The following ATAD3A variants were observed in gnomAD, a reference collection of about 807,000 sequenced individuals.
The protein encoded by ATAD3A is ATPase family AAA domain containing 3A.
Under a neutral mutation model 73.8 loss-of-function variants are expected in ATAD3A, and 46 were observed. That is an observed-to-expected ratio of 0.62 (90% confidence interval 0.49 to 0.80). ATAD3A has a LOEUF of 0.80. ATAD3A is among the 30% of genes least tolerant of loss of function. The probability of loss-of-function intolerance (pLI) is 0.00; values close to 1 mark genes in which losing one functional copy is unlikely to be tolerated. For synonymous variants in ATAD3A, 319 were observed against 350.0 expected (o/e 0.91, Z 0.99); for missense variants, 705 against 838.0 (o/e 0.84, Z 1.96).
rs565156875 is a variant in ATAD3A, at chr1:1,524,125, C to T, written c.1090-148C>T. On this transcript the variant is annotated intron_variant, in intron 10 of 15. Transcript: ENST00000378756. ...TGGTGTGGGCAGCAGCGCCTCCCATCTTCCAGGCGGGGGACGTCTCCTGTC... is the reference window on the plus strand; with the variant it reads ...TGGTGTGGGCAGCAGCGCCTCCCATTTTCCAGGCGGGGGACGTCTCCTGTC... 175 of 1,540,706 alleles carry T rather than the reference C, an allele frequency of 1.1e-4. No homozygotes were observed. The South Asian group carries it at 2.0e-3, about 17-fold the overall frequency.
intron 15 of ATAD3A, 22 bp downstream of exon 15, chr1:1,529,353 C>A: frequency 1.3e-6 from 2 of 1,541,664 alleles, no homozygotes; most frequent in Non-Finnish European, 1.8e-6. Flanking sequence ...TCCGGCACGT[C>A]CACCCAGACG....
chr1:1,512,221 G>T lies in ATAD3A; in HGVS notation c.-48G>T. ...GCTGCTCCCAGCCGCGCGCGAGTCA[G>T]ACTCGGGTGGGGGTCCCGGCGGCGG... On this transcript the variant is annotated 5_prime_UTR_variant, in exon 1 of 16. Transcript: ENST00000378756. 7.9e-7 allele frequency: 1 copy of T among 1,262,556 alleles called. No homozygotes were observed. Among genetic ancestry groups the T allele is most frequent in the Non-Finnish European group, 1.0e-6 (1 of 1,000,478 alleles). 78.2% of individuals were successfully genotyped at this position (1,262,556 alleles called of 1,614,324 possible). A position where few individuals can be genotyped will look rare whatever the true frequency, so the allele number is the denominator to read the frequency against.
At chr1:1,513,909 G>A (rs563575477) in intron 1 of ATAD3A, among the ~76,000 whole-genome samples, 2 of 152,130 alleles carry the variant, frequency 1.3e-5, no homozygotes, top group East Asian at 3.9e-4. Flanking sequence ...TGAGGCTATA[G>A]CCCCATGCCG....
At chr1:1,517,141 C>T in intron 2 of ATAD3A, 170 bp from the exon 3 acceptor site, 3 of 1,547,204 alleles carry the variant, frequency 1.9e-6, no homozygotes, top group South Asian at 1.2e-5. Context: ...GGTCTGGATT[C>T]CTCCAGGGCC....
At chr1:1,529,928 A>G (rs1226199442) in intron 15 of ATAD3A, among the ~76,000 whole-genome samples, 1 of 152,044 alleles carries the variant, frequency 6.6e-6, no homozygotes, top group Non-Finnish European at 1.5e-5. Context: ...GAAAAGCAAA[A>G]CCAGGTTGGT....
chr1:1,527,314 T>G, intron 13 of ATAD3A: 1 of 1,139,354 alleles, frequency 8.8e-7, no homozygotes, highest in Non-Finnish European at 1.1e-6. Flanking sequence ...GGGGCCCTGC[T>G]GAGCCTCCAG....
chr1:1,527,782 G>T lies in ATAD3A; in HGVS notation c.1425G>T (p.Leu475=). The T allele has an allele frequency of 6.2e-7, 1 of 1,613,982 alleles. No individual in the cohort carries two copies. The highest frequency in any genetic ancestry group is 8.5e-7 in the Non-Finnish European group (1 of 1,179,966). ...DRINEMVHFD[L]PGQEERERLV... ...TCAATGAGATGGTCCACTTCGACCT[G>T]CCAGGGCAGGAGGAACGGGAGCGCC... The change falls in exon 14 of 16, where the codon CTG becomes CTT. Residue 475 remains leucine (L), a synonymous_variant. Transcript: ENST00000378756.
At chr1:1,528,643 G>A (rs575094984) in intron 14 of ATAD3A, among the ~76,000 whole-genome samples, 2 of 152,346 alleles carry the variant, frequency 1.3e-5, no homozygotes, top group African/African-American at 2.4e-5. Flanking sequence ...CGGCTGCCTC[G>A]GGAACACTCC....
chr1:1,525,616 G>A (rs191600051), intron 12 of ATAD3A, among the ~76,000 whole-genome samples: 78 of 152,136 alleles, frequency 5.1e-4, no homozygotes, highest in African/African-American at 1.6e-3. Flanking sequence ...GGGTTTCACC[G>A]TGTTAGCCAG....
At chr1:1,522,690 C>A (rs1641642868) in intron 7 of ATAD3A, 54 bp from the exon 8 acceptor site, 2 of 1,605,680 alleles carry the variant, frequency 1.2e-6, no homozygotes, top group Non-Finnish European at 1.7e-6. Flanking sequence ...GTCTCCTGCT[C>A]TAAGAGGGAG....
At position 1,522,268 on chromosome 1, in the gene ATAD3A, T is replaced by C. The variant is rs1176617465; in HGVS notation, c.751-476T>C. ...GTGGGTTAGGCTGGTCTTGAACTCT[T>C]GACCTCAGGTGATCCACCTGCCTCA... On this transcript the variant is annotated intron_variant, in intron 7 of 15. Coordinates refer to ENST00000378756, the MANE Select transcript of ATAD3A (RefSeq NM_001170535.3). Among the ~76,000 whole-genome samples the C allele has an allele frequency of 7.2e-5, 11 of 152,266 alleles. No homozygotes were observed. In the South Asian group the frequency reaches 1.2e-3, roughly 17 times the overall value.
chr1:1,518,829 C>G, intron 4 of ATAD3A, 92 bp from the exon 5 acceptor site: 2 of 1,609,014 alleles, frequency 1.2e-6, no homozygotes, highest in Non-Finnish European at 1.7e-6. Context: ...CACACTCACC[C>G]CCCTGCACAC....
intron 7 of ATAD3A, among the ~76,000 whole-genome samples, chr1:1,522,316 C>T (rs943217463): frequency 6.6e-5 from 10 of 152,212 alleles, no homozygotes; most frequent in Non-Finnish European, 1.0e-4. Context: ...GCTGGGATTA[C>T]AGACCTGAGC....
intron 7 of ATAD3A, among the ~76,000 whole-genome samples, chr1:1,521,057 G>C (rs565521510): frequency 6.6e-6 from 1 of 152,088 alleles, no homozygotes; most frequent in Admixed American, 6.6e-5. Flanking sequence ...ACTTTGGGAG[G>C]CAGAGGCAGA....
At position 1,533,796 on chromosome 1, in the gene ATAD3A, A is replaced by T. The variant is rs1438223422; in HGVS notation, c.1615-130A>T. Reference sequence around the variant, plus strand: ...GTGCTGGGCTCTGCCGAGGTGCGGGAAGCCTGTGTTTCACGCTCAGGCCAT... The same window carrying T: ...GTGCTGGGCTCTGCCGAGGTGCGGGTAGCCTGTGTTTCACGCTCAGGCCAT... On this transcript the variant is annotated intron_variant, in intron 15 of 15. Transcript: ENST00000378756. 96 of 1,295,512 alleles carry T rather than the reference A, an allele frequency of 7.4e-5. 2 individuals carry two copies. The Middle Eastern group carries it at 1.1e-3, about 14-fold the overall frequency. 80.3% of individuals were successfully genotyped at this position (1,295,512 alleles called of 1,614,324 possible).
intron 15 of ATAD3A, among the ~76,000 whole-genome samples, chr1:1,529,688 C>T (rs189437779): frequency 3.9e-5 from 6 of 152,336 alleles, no homozygotes; most frequent in South Asian, 2.1e-4. Flanking sequence ...AGGACAGGCC[C>T]CATGTGAGTT....
In ATAD3A at chr1:1,524,041, C is replaced by T. The variant is rs988537508; in HGVS notation, c.1089+77C>T. ...GCCTGCAGGTGTCTGGGGGGCTCAGCTGCCTGGGGAATGGACCCCCCTTAG... is the reference window on the plus strand; with the variant it reads ...GCCTGCAGGTGTCTGGGGGGCTCAGTTGCCTGGGGAATGGACCCCCCTTAG... On this transcript the variant is annotated intron_variant, in intron 10 of 15. Coordinates refer to ENST00000378756, the MANE Select transcript of ATAD3A (RefSeq NM_001170535.3). The T allele has an allele frequency of 7.5e-6, 12 of 1,607,634 alleles. No homozygotes were observed. In the African/African-American group the frequency reaches 1.6e-4, roughly 22 times the overall value.
intron 15 of ATAD3A, among the ~76,000 whole-genome samples, chr1:1,533,486 T>C (rs1570363534): frequency 3.9e-5 from 6 of 152,172 alleles, no homozygotes; most frequent in Middle Eastern, 3.4e-3. Flanking sequence ...GTGCCACCAC[T>C]CATGTGCCTC....
intron 14 of ATAD3A, among the ~76,000 whole-genome samples, chr1:1,528,379 C>T (rs1427619594): frequency 1.4e-5 from 2 of 147,356 alleles, no homozygotes; most frequent in South Asian, 2.1e-4. Context: ...ACCCCCGTGT[C>T]GGGATTCGAA....
Sources: gnomAD v4.1 joint callset for allele counts (sites outside exome capture counted in the v4.1 genomes callset) on GRCh38, gnomAD v4.1.1 for gene constraint, MANE v1.5 for transcripts, NCBI Gene and HGNC (gene_info 2026-07-23, HGNC 2026-07-21) for gene names.